NTRK3: variants seen among roughly 807,000 people sequenced by gnomAD.
The protein encoded by NTRK3 is neurotrophic receptor tyrosine kinase 3.
In NTRK3, 24 loss-of-function variants were observed where a neutral mutation model predicts 91.7. That is an observed-to-expected ratio of 0.26 (90% CI 0.19 to 0.37). NTRK3 has a LOEUF of 0.37. Among genes scored for constraint, NTRK3 ranks in the 10% least tolerant of loss-of-function variants. The pLI is 1.00. For missense variants in NTRK3, 880 were observed against 1,068.9 expected (o/e 0.82, Z 2.46); for synonymous variants, 483 against 404.0 (o/e 1.20, Z -2.34).
At chr15:87,988,957 AC>A (rs2075071010) in intron 14 of NTRK3, among the ~76,000 whole-genome samples, 1 of 151,944 alleles carries the variant, frequency 6.6e-6, no homozygotes, top group African/African-American at 2.4e-5. Flanking sequence ...TGGCTCTGTC[AC>A]CCAGGCTGGG....
intron 3 of NTRK3, among the ~76,000 whole-genome samples, chr15:88,246,740 A>G (rs2052864412): frequency 6.6e-6 from 1 of 152,216 alleles, no homozygotes; most frequent in South Asian, 2.1e-4. Context: ...CCAGGAAGCC[A>G]AAGGCTCATG....
At chr15:88,155,608 T>C (rs1437466108) in intron 5 of NTRK3, among the ~76,000 whole-genome samples, 1 of 152,220 alleles carries the variant, frequency 6.6e-6, no homozygotes, top group East Asian at 1.9e-4. Flanking sequence ...ATATTTACTA[T>C]GTGACCCTTT....
At chr15:87,861,204 T>C (rs1021380481) in exon 19 of NTRK3, 4 of 219,818 alleles carry the variant, frequency 1.8e-5, no homozygotes, top group Admixed American at 1.2e-4. Context: ...TATAATAGCT[T>C]TACATATACT....
chr15:88,118,225 G>A (rs1475559765), intron 13 of NTRK3, among the ~76,000 whole-genome samples: 1 of 152,224 alleles, frequency 6.6e-6, no homozygotes, highest in Non-Finnish European at 1.5e-5. Flanking sequence ...GTTCACAGGA[G>A]AATGAGCTGC....
intron 15 of NTRK3, among the ~76,000 whole-genome samples, chr15:87,939,029 T>C (rs1334172022): frequency 6.6e-6 from 1 of 152,166 alleles, no homozygotes; most frequent in African/African-American, 2.4e-5. Flanking sequence ...CCCGCCCTCA[T>C]TAGTGAATGT....
At chr15:87,959,510 G>T (rs939013473) in intron 14 of NTRK3, among the ~76,000 whole-genome samples, 5 of 152,174 alleles carry the variant, frequency 3.3e-5, no homozygotes, top group Admixed American at 3.3e-4. Context: ...TTAAATCAGG[G>T]CAGTGCCCAA....
In NTRK3 at chr15:88,163,917, T is replaced by C. The variant is rs562200246; in HGVS notation, c.396-16514A>G. Among the ~76,000 whole-genome samples, 116 of 152,230 alleles carry C rather than the reference T, an allele frequency of 7.6e-4. 1 individual carries two copies. Among genetic ancestry groups the C allele is most frequent in the Non-Finnish European group, 1.6e-3 (110 of 68,034 alleles). On this transcript the variant is annotated intron_variant, in intron 5 of 18. Transcript: ENST00000394480. Reference sequence around the variant, plus strand: ...TATGCCGTGCATCTAGGTGTCACTTTACAGCAGTGAACAAAAGAGAGGAGC... The same window carrying C: ...TATGCCGTGCATCTAGGTGTCACTTCACAGCAGTGAACAAAAGAGAGGAGC...
intron 14 of NTRK3, among the ~76,000 whole-genome samples, chr15:87,945,526 CAG>C (rs2070373239): frequency 1.3e-5 from 2 of 152,152 alleles, no homozygotes; most frequent in Non-Finnish European, 2.9e-5. Flanking sequence ...CAGAAAATCT[CAG>C]AGCCCTGAGA....
intron 17 of NTRK3, among the ~76,000 whole-genome samples, chr15:87,905,446 G>T (rs1033317047): frequency 6.6e-6 from 1 of 151,986 alleles, no homozygotes. Flanking sequence ...AAAACAACAG[G>T]TTACCTATTT....
At chr15:88,216,797 T>C (rs2049812873) in intron 3 of NTRK3, among the ~76,000 whole-genome samples, 1 of 152,186 alleles carries the variant, frequency 6.6e-6, no homozygotes, top group Non-Finnish European at 1.5e-5. Flanking sequence ...GAACTTATTA[T>C]CCACCCTTCT....
At chr15:87,931,066 TTTC>T (rs1332978039) in intron 16 of NTRK3, 1 of 356,680 alleles carries the variant, frequency 2.8e-6, no homozygotes, top group Admixed American at 3.8e-5. Flanking sequence ...TCCTTTTTCT[TTTC>T]TTCTTACTTT....
intron 17 of NTRK3, among the ~76,000 whole-genome samples, chr15:87,896,668 GGA>G (rs150581240): frequency 0.035 from 5,286 of 152,018 alleles, 135 homozygotes; most frequent in Non-Finnish European, 0.054. Flanking sequence ...ATATTAGTTT[GGA>G]TATCCTTTTG....
chr15:87,910,870 A>G (rs2067052517), intron 17 of NTRK3, among the ~76,000 whole-genome samples: 1 of 152,248 alleles, frequency 6.6e-6, no homozygotes, highest in Non-Finnish European at 1.5e-5. Context: ...AGGAAGGGTT[A>G]GACTTGAAGT....
chr15:88,052,207 A>G (rs1194477181), intron 13 of NTRK3, among the ~76,000 whole-genome samples: 1 of 152,204 alleles, frequency 6.6e-6, no homozygotes, highest in Non-Finnish European at 1.5e-5. Flanking sequence ...TAGCTCCAAG[A>G]ATAGGACAGG....
At chr15:88,129,275 G>T (rs908900179) in intron 10 of NTRK3, among the ~76,000 whole-genome samples, 2 of 152,164 alleles carry the variant, frequency 1.3e-5, no homozygotes, top group East Asian at 3.9e-4. Flanking sequence ...TCTAGAAATA[G>T]CTCAACTAAT....
At position 87,902,762 on chromosome 15, in the gene NTRK3, G is replaced by T. The variant is rs2217820; in HGVS notation, c.2134-22334C>A. ...AAACACTAGAAAATTCGACTCTCAA[G>T]TTAGTTTCTATTTCTAGAAATACAA... On this transcript the variant is annotated intron_variant, in intron 17 of 18. Coordinates refer to ENST00000394480, the Ensembl canonical transcript of NTRK3. 3.9e-3 allele frequency among the ~76,000 whole-genome samples: 591 copies of T among 152,278 alleles called. 6 individuals are homozygous for T. The highest frequency in any genetic ancestry group is 0.013 in the African/African-American group (548 of 41,552).
rs551557696 is a variant in NTRK3, at chr15:88,025,841, A to AGT, written c.1585+7014_1585+7015dup. Among the ~76,000 whole-genome samples, 33 of 152,368 alleles carry AGT rather than the reference A, an allele frequency of 2.2e-4. 1 individual carries two copies. The East Asian group carries it at 6.2e-3, about 28-fold the overall frequency. Reference sequence around the variant, plus strand: ...AAACTGTAATACAGCCATACAATGAAGTACTGCTCAGTGATAAAAATAAAT... The same window carrying AGT: ...AAACTGTAATACAGCCATACAATGAAGTGTACTGCTCAGTGATAAAAATAAAT... On this transcript the variant is annotated intron_variant, in intron 14 of 18. Transcript: ENST00000394480.
At chr15:87,904,476 G>C (rs2066638615) in intron 17 of NTRK3, among the ~76,000 whole-genome samples, 1 of 152,032 alleles carries the variant, frequency 6.6e-6, no homozygotes, top group South Asian at 2.1e-4. Flanking sequence ...TTTTAATATG[G>C]GCCTTTGGGA....
At chr15:88,093,313 G>A (rs894011240) in intron 13 of NTRK3, among the ~76,000 whole-genome samples, 2 of 152,122 alleles carry the variant, frequency 1.3e-5, no homozygotes, top group Non-Finnish European at 2.9e-5. Context: ...AGGGAGGGGG[G>A]AAGGAAGAAA....
Sources: gnomAD v4.1 joint callset for allele counts (sites outside exome capture counted in the v4.1 genomes callset) on GRCh38, gnomAD v4.1.1 for gene constraint, MANE v1.5 for transcripts, NCBI Gene and HGNC (gene_info 2026-07-23, HGNC 2026-07-21) for gene names.